The following EMC3 variants were observed in gnomAD, a reference collection of about 807,000 sequenced individuals.
The protein encoded by EMC3 is ER membrane protein complex subunit 3.
A neutral mutation model predicts 36.6 loss-of-function variants in EMC3; 13 were observed. The ratio of observed to expected loss-of-function variants is 0.35; its 90% CI spans 0.23 to 0.56. The LOEUF (loss-of-function observed/expected upper bound fraction) is 0.56. Among genes scored for constraint, EMC3 ranks in the 20% least tolerant of loss-of-function variants. The pLI is 0.84. For missense variants in EMC3, 220 were observed against 324.5 expected, an observed-to-expected ratio of 0.68 and a Z score of 2.47; for synonymous variants, 120 against 111.9, an observed-to-expected ratio of 1.07 and a Z score of -0.46.
At chr3:9,985,387 T>C (rs1252502456) in intron 1 of EMC3, among the ~76,000 whole-genome samples, 1 of 152,216 alleles carries the variant, frequency 6.6e-6, no homozygotes, top group Non-Finnish European at 1.5e-5. Context: ...TAGTAGCACT[T>C]ACCTGAGATG....
chr3:10,008,246 T>G, intron 1 of EMC3: 2 of 462,722 alleles, frequency 4.3e-6, no homozygotes, highest in African/African-American at 2.0e-5. Flanking sequence ...AGGCCAGAAT[T>G]CTTTCTGGCT....
upstream of EMC3, chr3:9,987,418 G>C (rs182650663): frequency 6.8e-6 from 3 of 441,548 alleles, no homozygotes; most frequent in Non-Finnish European, 9.0e-6. Flanking sequence ...AGTCCCCACA[G>C]GTACCTTTCT....
intron 1 of EMC3, among the ~76,000 whole-genome samples, chr3:9,999,079 G>A (rs1170782839): frequency 6.6e-6 from 1 of 152,052 alleles, no homozygotes; most frequent in Non-Finnish European, 1.5e-5. Flanking sequence ...TTTAAATTGG[G>A]TTTTTGTCAT....
intron 1 of EMC3, chr3:10,003,095 G>A (rs1237241831): frequency 6.6e-6 from 3 of 456,574 alleles, no homozygotes; most frequent in Admixed American, 2.3e-5. Context: ...AGCAACAGCA[G>A]CAGTGGTGCA....
chr3:9,982,107 C>G (rs57789160), intron 1 of EMC3, among the ~76,000 whole-genome samples: 1 of 150,934 alleles, frequency 6.6e-6, no homozygotes, highest in South Asian at 2.1e-4. Flanking sequence ...TGCACCACCA[C>G]CCCAGCTAAT....
Position 9,986,723 on chromosome 3 carries a change from G to C in EMC3, c.-62C>G. 1 of 1,596,228 alleles carries C rather than the reference G, an allele frequency of 6.3e-7. No homozygotes were observed. Among genetic ancestry groups the C allele is most frequent in the South Asian group, 1.1e-5 (1 of 89,382 alleles). ...AGCTTCTCTTCTCCGGGGCACAGTTGCTTCTCTTCGGCTTCGCCTCCGGGC... is the reference window on the plus strand; with the variant it reads ...AGCTTCTCTTCTCCGGGGCACAGTTCCTTCTCTTCGGCTTCGCCTCCGGGC... On this transcript the variant is annotated 5_prime_UTR_variant, in exon 1 of 8. Transcript: ENST00000245046.
intron 1 of EMC3, among the ~76,000 whole-genome samples, chr3:9,998,739 A>C (rs1559358485): frequency 6.6e-6 from 1 of 151,998 alleles, no homozygotes; most frequent in Non-Finnish European, 1.5e-5. Context: ...ATGTCTATTC[A>C]AGTCCTTTAC....
chr3:9,998,194 G>A (rs562038482), intron 1 of EMC3, among the ~76,000 whole-genome samples: 5 of 151,498 alleles, frequency 3.3e-5, no homozygotes, highest in South Asian at 2.1e-4. Context: ...GTGAAACCCC[G>A]TCTCTACTAA....
chr3:9,972,230 G>T (rs1010123959), intron 5 of EMC3, among the ~76,000 whole-genome samples: 2 of 146,306 alleles, frequency 1.4e-5, no homozygotes, highest in African/African-American at 2.5e-5. Context: ...ATGTACTTTG[G>T]AAAAAAAAAA....
intron 1 of EMC3, among the ~76,000 whole-genome samples, chr3:9,998,377 A>ATAC (rs1467612018): frequency 7.0e-6 from 1 of 142,950 alleles, no homozygotes; most frequent in South Asian, 2.2e-4. Flanking sequence ...AATAATAATA[A>ATAC]TAATAATAAT....
chr3:10,008,974 CA>C (rs2086294576), intron 1 of EMC3: 1 of 155,142 alleles, frequency 6.4e-6, no homozygotes, highest in Non-Finnish European at 1.4e-5. Flanking sequence ...TGGGGACCGG[CA>C]GGGGAAGCGG....
At chr3:10,002,888 C>T (rs375992356) in intron 1 of EMC3, 54 of 456,624 alleles carry the variant, frequency 1.2e-4, no homozygotes, top group African/African-American at 9.4e-4. Context: ...CAGCATGACC[C>T]CATGGCCTTC....
intron 1 of EMC3, among the ~76,000 whole-genome samples, chr3:10,006,116 C>T (rs767882558): frequency 6.6e-6 from 1 of 152,194 alleles, no homozygotes; most frequent in African/African-American, 2.4e-5. Context: ...TCTCCCCTTT[C>T]ACCCAGAGCA....
intron 1 of EMC3, among the ~76,000 whole-genome samples, chr3:10,010,665 C>A (rs1275033391): frequency 6.6e-6 from 1 of 152,224 alleles, no homozygotes; most frequent in Non-Finnish European, 1.5e-5. Flanking sequence ...GCTCAATGTT[C>A]ACTTGTTGGC....
intron 5 of EMC3, among the ~76,000 whole-genome samples, chr3:9,971,147 T>C (rs2085781697): frequency 6.6e-6 from 1 of 152,126 alleles, no homozygotes; most frequent in African/African-American, 2.4e-5. Context: ...GGTCTCGAAC[T>C]CCTGACCTCA....
At position 9,977,445 on chromosome 3, in the gene EMC3, G is replaced by A; in HGVS notation, c.157C>T (p.Gln53Ter). ...AGGACTCTGCTTCGAATTAGGACTT[G>A]ACTGAAAAATACAACCAACACAATG... is the stretch of plus-strand genomic sequence containing the variant. Reference protein sequence around the residue: ...KLTQEQVSDSQVLIRSRVLRE... With the variant: ...KLTQEQVSDS The change falls in exon 2 of 8, where the codon CAA (glutamine) becomes TAA (stop). Residue 53 changes from glutamine (Q) to a stop codon, truncating the protein, a stop_gained and splice_region_variant. Transcript: ENST00000245046. LOFTEE classifies it high-confidence loss of function. 1 of 1,611,612 alleles carries A rather than the reference G, an allele frequency of 6.2e-7. No homozygotes were observed. The highest frequency in any genetic ancestry group is 8.5e-7 in the Non-Finnish European group (1 of 1,179,306).
intron 1 of EMC3, 44 bp from the exon 2 acceptor site, chr3:9,977,490 A>T: frequency 1.3e-6 from 2 of 1,575,602 alleles, no homozygotes; most frequent in Non-Finnish European, 1.7e-6. Flanking sequence ...AAAGTGAAAC[A>T]CTAGAAGAAA....
chr3:9,969,556 G>T, intron 7 of EMC3, 163 bp downstream of exon 7: 1 of 1,510,790 alleles, frequency 6.6e-7, no homozygotes, highest in Admixed American at 2.1e-5. Context: ...CTTAATAGAT[G>T]ATTCTGTCTC....
intron 1 of EMC3, among the ~76,000 whole-genome samples, chr3:9,978,801 A>C (rs2085878055): frequency 2.0e-5 from 3 of 152,176 alleles, no homozygotes; most frequent in African/African-American, 7.2e-5. Flanking sequence ...ATTGCACTCC[A>C]GCCTGGGGTG....
Sources: gnomAD v4.1 joint callset for allele counts (sites outside exome capture counted in the v4.1 genomes callset) on GRCh38, gnomAD v4.1.1 for gene constraint, MANE v1.5 for transcripts, NCBI Gene and HGNC (gene_info 2026-07-23, HGNC 2026-07-21) for gene names.